Variants in AASS observed in about 807,000 individuals in gnomAD.
AASS encodes the protein alpha-aminoadipic semialdehyde synthase, mitochondrial.
AASS carries 86 observed loss-of-function variants against 105.4 expected under a neutral mutation model. That is an observed-to-expected ratio of 0.82 (90% CI 0.69 to 0.98). The LOEUF is 0.98. AASS is among the 50% of genes least tolerant of loss of function. The pLI is 0.00. For missense variants in AASS, 1,048 were observed against 1,143.2 expected (o/e 0.92, Z 1.20); for synonymous variants, 381 against 394.8 (o/e 0.96, Z 0.41).
Position 122,144,249 on chromosome 7 carries a change from T to A in AASS, c.-104A>T, listed in dbSNP as rs1183219695. 6.6e-6 allele frequency: 1 copy of A among 152,270 alleles called. No individual in the cohort carries two copies. Among genetic ancestry groups the A allele is most frequent in the African/African-American group, 2.4e-5 (1 of 41,452 alleles). The allele number at this position is 152,270 out of a possible 1,614,324, so 9.4% of individuals were successfully genotyped here. A position where few individuals can be genotyped will look rare whatever the true frequency, so the allele number is the denominator to read the frequency against. ...GAGGCTCCGAATTCCTAGAAGAAAC[T>A]GGGATGGAAGGCCGGGAAGTAGGAG... On this transcript the variant is annotated 5_prime_UTR_variant, in exon 1 of 24. Coordinates refer to ENST00000417368, the MANE Select transcript of AASS (RefSeq NM_005763.4).
chr7:122,093,079 T>C lies in AASS; in HGVS notation c.1735A>G (p.Ile579Val). The C allele has an allele frequency of 6.2e-7, 1 of 1,614,054 alleles. No individual in the cohort carries two copies. The highest frequency in any genetic ancestry group is 8.5e-7 in the Non-Finnish European group (1 of 1,179,908). ...TCCAATTCTTTTAGTGCTGGTGTGATGTAGCTTGCAGTGACCATGTTAACT... is the reference window on the plus strand; with the variant it reads ...TCCAATTCTTTTAGTGCTGGTGTGACGTAGCTTGCAGTGACCATGTTAACT... ...NKVNMVTASY[I>V]TPALKELEKS... Residue 579 changes from isoleucine (I) to valine (V), a missense_variant, in exon 16 of 24, where the codon ATC becomes GTC. Transcript: ENST00000417368.
intron 2 of AASS, among the ~76,000 whole-genome samples, chr7:122,131,411 T>A (rs1352544686): frequency 6.6e-6 from 1 of 151,710 alleles, no homozygotes; most frequent in Non-Finnish European, 1.5e-5. Context: ...AGTATTGTGA[T>A]CCTGACACTA....
chr7:122,109,001 A>G (rs532436531), intron 11 of AASS, among the ~76,000 whole-genome samples: 77 of 152,222 alleles, frequency 5.1e-4, no homozygotes, highest in Non-Finnish European at 7.9e-4. Flanking sequence ...TAGCATTTCT[A>G]TATGCCAACT....
intron 15 of AASS, among the ~76,000 whole-genome samples, chr7:122,098,220 G>C (rs945103623): frequency 3.3e-5 from 5 of 151,770 alleles, no homozygotes; most frequent in Non-Finnish European, 5.9e-5. Flanking sequence ...AGGGCTTCTG[G>C]GGAATTACTG....
chr7:122,117,001 A>C, intron 6 of AASS, 44 bp from the exon 7 acceptor site: 1 of 1,533,420 alleles, frequency 6.5e-7, no homozygotes, highest in Non-Finnish European at 9.0e-7. Context: ...CAATAGAAAA[A>C]GAACCAACAT....
intron 11 of AASS, among the ~76,000 whole-genome samples, chr7:122,111,279 A>T (rs183423676): frequency 6.6e-6 from 1 of 152,232 alleles, no homozygotes; most frequent in Admixed American, 6.5e-5. Flanking sequence ...CAAAATTTTT[A>T]AAAAAGAACC....
rs572447864 is a variant in AASS at position 122,098,525 on chromosome 7, T to G, written c.1580A>C (p.Asn527Thr). ...TTTACAAATGTCCATGCTAACAGGA[T>G]TAATATTATATTTCTTGCCTAACTG... ...IEQLGKKYNI[N>T]PVSMDICKQE... Residue 527 changes from asparagine to threonine, a missense_variant, in exon 15 of 24, where the codon AAT becomes ACT. By Grantham distance (65) the Asn-to-Thr change is moderately conservative (BLOSUM62 0). Coordinates refer to ENST00000417368, the MANE Select transcript of AASS (RefSeq NM_005763.4). The G allele has an allele frequency of 3.1e-6, 5 of 1,611,222 alleles. No individual in the cohort carries two copies. In the African/African-American group the frequency reaches 6.7e-5, roughly 22 times the overall value.
Position 122,102,795 on chromosome 7 carries a change from TC to T in AASS, c.1279-1116del, listed in dbSNP as rs555535523. The stretch of plus-strand genomic sequence containing the variant: ...TTATCTGGAGGAAAATCACACAACA[TC>T]CAGAGCCTCGAGTCATCTCTAAAAT... On this transcript the variant is annotated intron_variant, in intron 11 of 23. Transcript: ENST00000417368. Among the ~76,000 whole-genome samples the T allele has an allele frequency of 3.6e-4, 55 of 151,862 alleles. No homozygotes were observed. In the South Asian group the frequency reaches 4.6e-3, roughly 13 times the overall value.
intron 18 of AASS, among the ~76,000 whole-genome samples, chr7:122,090,572 C>CTAAAA (rs2150514921): frequency 1.3e-5 from 2 of 152,192 alleles, no homozygotes; most frequent in South Asian, 4.1e-4. Context: ...AATATTGATG[C>CTAAAA]TAAAATAATC....
intron 22 of AASS, among the ~76,000 whole-genome samples, chr7:122,078,311 T>C (rs753168482): frequency 4.0e-5 from 6 of 151,554 alleles, no homozygotes; most frequent in South Asian, 2.1e-4. Flanking sequence ...ATTTGCCTAA[T>C]GCATTAAAAA....
At chr7:122,129,614 A>C in intron 2 of AASS, 77 bp from the exon 3 acceptor site, 1 of 1,305,826 alleles carries the variant, frequency 7.7e-7, no homozygotes, top group Non-Finnish European at 1.1e-6. Flanking sequence ...ATGTGTAGCA[A>C]AGGCACAACA....
intron 9 of AASS, among the ~76,000 whole-genome samples, chr7:122,114,163 C>T (rs1260044288): frequency 2.6e-5 from 4 of 152,184 alleles, no homozygotes; most frequent in East Asian, 1.9e-4. Context: ...AAGTTGACTA[C>T]AATTTTTCTG....
At chr7:122,128,423 A>G (rs73224329) in intron 3 of AASS, among the ~76,000 whole-genome samples, 2,894 of 152,278 alleles carry the variant, frequency 0.019, 36 homozygotes, top group Non-Finnish European at 0.028. Context: ...TTGTTGCTCA[A>G]TGCCACTTTC....
intron 15 of AASS, among the ~76,000 whole-genome samples, chr7:122,094,724 G>A (rs1218416884): frequency 1.3e-5 from 2 of 152,010 alleles, no homozygotes; most frequent in African/African-American, 4.8e-5. Context: ...CCCAATCAAA[G>A]TTGAGCTTTG....
chr7:122,085,534 T>C (rs1187695443), intron 19 of AASS, among the ~76,000 whole-genome samples: 1 of 151,910 alleles, frequency 6.6e-6, no homozygotes, highest in East Asian at 1.9e-4. Context: ...TTCTAGGACA[T>C]ATAACATAGG....
intron 19 of AASS, among the ~76,000 whole-genome samples, chr7:122,083,538 A>C (rs1170264528): frequency 6.6e-6 from 1 of 152,282 alleles, no homozygotes; most frequent in African/African-American, 2.4e-5. Context: ...CAGAAACTGC[A>C]GTCAACAGAA....
At chr7:122,117,548 G>A (rs901959544) in intron 6 of AASS, among the ~76,000 whole-genome samples, 3 of 152,082 alleles carry the variant, frequency 2.0e-5, no homozygotes, top group Non-Finnish European at 2.9e-5. Context: ...TTTCAAACTC[G>A]TGGACATTTT....
In AASS at chr7:122,116,605, C is replaced by T. The variant is rs1328403365; in HGVS notation, c.894+28G>A. The T allele has an allele frequency of 1.9e-6, 3 of 1,613,502 alleles. No individual in the cohort carries two copies. In the African/African-American group the frequency reaches 4.0e-5, roughly 22 times the overall value. ...CTACCTACACTGTATCATAAGCAAC[C>T]AACTTAAAAGGTGAATATGATACTC... On this transcript the variant is annotated intron_variant, in intron 8 of 23. Transcript: ENST00000417368.
intron 4 of AASS, 60 bp from the exon 5 acceptor site, chr7:122,118,690 T>A: frequency 6.5e-7 from 1 of 1,531,868 alleles, no homozygotes; most frequent in African/African-American, 1.4e-5. Context: ...AGCTGTTCTC[T>A]CTGCTCGTTC....
Sources: gnomAD v4.1 joint callset for allele counts (sites outside exome capture counted in the v4.1 genomes callset) on GRCh38, gnomAD v4.1.1 for gene constraint, MANE v1.5 for transcripts, NCBI Gene and HGNC (gene_info 2026-07-23, HGNC 2026-07-21) for gene names.